MAPKAPK5: variants seen among roughly 807,000 people sequenced by gnomAD.
MAPKAPK5 encodes the protein MAP kinase-activated protein kinase 5.
In MAPKAPK5, 30 loss-of-function variants were observed where a neutral mutation model predicts 65.1. That is an observed-to-expected ratio of 0.46 (90% confidence interval 0.34 to 0.63). The LOEUF is 0.63. Among genes scored for constraint, MAPKAPK5 ranks in the 20% least tolerant of loss-of-function variants. The pLI, the probability that MAPKAPK5 is intolerant of heterozygous loss-of-function variation, is 0.01. For synonymous variants in MAPKAPK5, 179 were observed against 204.6 expected, an observed-to-expected ratio of 0.87 and a Z score of 1.07; for missense variants, 433 against 581.4, an observed-to-expected ratio of 0.74 and a Z score of 2.63.
intron 1 of MAPKAPK5, among the ~76,000 whole-genome samples, chr12:111,862,436 C>T (rs997474170): frequency 9.2e-5 from 14 of 152,160 alleles, no homozygotes; most frequent in Non-Finnish European, 1.5e-5. Context: ...TGCAGTGGCT[C>T]ATGCTTGTAA....
chr12:111,853,564 T>G (rs1350470086), intron 1 of MAPKAPK5, among the ~76,000 whole-genome samples: 1 of 152,128 alleles, frequency 6.6e-6, no homozygotes, highest in Non-Finnish European at 1.5e-5. Context: ...AGATGGAGTC[T>G]CTCTCTGTTG....
Position 111,899,866 on chromosome 12 carries a change from G to C in MAPKAPK5, c.*6805G>C, listed in dbSNP as rs78007238. 1 of 454,448 alleles carries C rather than the reference G, an allele frequency of 2.2e-6. No individual in the cohort carries two copies. Among genetic ancestry groups the C allele is most frequent in the African/African-American group, 2.0e-5 (1 of 50,042 alleles). The allele number at this position is 454,448 out of a possible 1,614,324, so 28.2% of individuals were successfully genotyped here. A position where few individuals can be genotyped will look rare whatever the true frequency, so the allele number is the denominator to read the frequency against. On this transcript the variant is annotated 3_prime_UTR_variant, in exon 14 of 14. Coordinates refer to ENST00000550735, the MANE Select transcript of MAPKAPK5 (RefSeq NM_003668.4). ...TGTTATACACCATGGCACATCAAGC[G>C]TGAGTCTCCTGTGGTGTCTACTAGC... is the stretch of plus-strand genomic sequence containing the variant.
chr12:111,872,639 T>C (rs2136117731), intron 7 of MAPKAPK5, among the ~76,000 whole-genome samples: 1 of 152,340 alleles, frequency 6.6e-6, no homozygotes, highest in South Asian at 2.1e-4. Flanking sequence ...CTCAGTGCTA[T>C]AATCAAGGTG....
In MAPKAPK5 at chr12:111,888,954, G is replaced by A. The variant is rs1418882786; in HGVS notation, c.1170G>A (p.Leu390=). The A allele has an allele frequency of 1.2e-6, 2 of 1,609,834 alleles. No individual in the cohort carries two copies. Among genetic ancestry groups the A allele is most frequent in the African/African-American group, 2.7e-5 (2 of 74,876 alleles). ...ENGAEDSNVA[L]EKLRDVIAQC... is the part of the protein sequence containing the mutation. ...GAGCCGAGGATTCCAATGTTGCCTTGGAAAAACTCCGAGATGTGATTGCTC... is the reference window on the plus strand; with the variant it reads ...GAGCCGAGGATTCCAATGTTGCCTTAGAAAAACTCCGAGATGTGATTGCTC... The change falls in exon 12 of 14, where the codon TTG becomes TTA. Residue 390 remains leucine, a synonymous_variant. Transcript: ENST00000550735.
Position 111,842,302 on chromosome 12 carries a change from TTCGCG to T in MAPKAPK5, c.-431_-427del. 1 of 151,560 alleles carries T rather than the reference TTCGCG, an allele frequency of 6.6e-6. No individual in the cohort carries two copies. Among genetic ancestry groups the T allele is most frequent in the South Asian group, 2.0e-4 (1 of 4,962 alleles). 9.4% of individuals were successfully genotyped at this position (151,560 alleles called of 1,614,324 possible). On this transcript the variant is annotated 5_prime_UTR_variant, in exon 1 of 14. The change creates a premature stop within an existing upstream ORF in the 5' untranslated region. Coordinates refer to ENST00000550735, the MANE Select transcript of MAPKAPK5 (RefSeq NM_003668.4). ...GCTCTGCTTCGGCTTCGGCTTCGGC[TTCGCG>T]GCGGTGCAGGCGGCGGAGGCGGAGG...
In MAPKAPK5 at chr12:111,897,160, A is replaced by G. The variant is rs754265470; in HGVS notation, c.*4099A>G. 1 of 152,010 alleles carries G rather than the reference A, an allele frequency of 6.6e-6. No individual in the cohort carries two copies. The highest frequency in any genetic ancestry group is 2.4e-5 in the African/African-American group (1 of 41,390). The allele number at this position is 152,010 out of a possible 1,614,324, so 9.4% of individuals were successfully genotyped here. A position where few individuals can be genotyped will look rare whatever the true frequency, so the allele number is the denominator to read the frequency against. On this transcript the variant is annotated 3_prime_UTR_variant, in exon 14 of 14. Transcript: ENST00000550735. Reference sequence around the variant, plus strand: ...AATAAAAAAGAGACGTGATCCTGCTATGTTGCCCAAGTTAGACTCAAGCTC... The same window carrying G: ...AATAAAAAAGAGACGTGATCCTGCTGTGTTGCCCAAGTTAGACTCAAGCTC...
rs1461639729 is a variant in MAPKAPK5 at position 111,883,898 on chromosome 12, T to C, written c.848+130T>C. The C allele has an allele frequency of 1.1e-6, 1 of 919,866 alleles. No individual in the cohort carries two copies. The highest frequency in any genetic ancestry group is 1.6e-6 in the Non-Finnish European group (1 of 624,510). The allele number at this position is 919,866 out of a possible 1,614,324, so 57.0% of individuals were successfully genotyped here. On this transcript the variant is annotated intron_variant, in intron 9 of 13. Transcript: ENST00000550735. This position sits in a 1 kb window ranked among gnomAD's most constrained non-coding sequence, Gnocchi z 4.8. ...TCCCCGTTTTAATATCACAGAAATC[T>C]CTCTGGAGCCTGAGGTGACTGTTCT...
intron 1 of MAPKAPK5, among the ~76,000 whole-genome samples, chr12:111,858,063 C>T (rs1392875126): frequency 6.6e-6 from 1 of 151,916 alleles, no homozygotes; most frequent in Admixed American, 6.6e-5. Flanking sequence ...CACCACTACA[C>T]CAGGCTAAAT....
intron 10 of MAPKAPK5, among the ~76,000 whole-genome samples, chr12:111,887,229 G>A (rs1461785502): frequency 6.6e-6 from 1 of 152,184 alleles, no homozygotes; most frequent in Non-Finnish European, 1.5e-5. Context: ...GAAGAAAAAG[G>A]AGAACTGGAA....
intron 10 of MAPKAPK5, 55 bp from the exon 11 acceptor site, chr12:111,888,433 C>T (rs998043619): frequency 1.6e-5 from 26 of 1,598,976 alleles, no homozygotes; most frequent in Non-Finnish European, 2.2e-5. Flanking sequence ...CTTAGACTGG[C>T]TTTTTAGGTG....
At chr12:111,874,536 A>G (rs1262952453) in intron 7 of MAPKAPK5, among the ~76,000 whole-genome samples, 3 of 148,562 alleles carry the variant, frequency 2.0e-5, no homozygotes, top group East Asian at 3.9e-4. Flanking sequence ...CAGTGGCGCA[A>G]TCTCAGCTCA....
At chr12:111,862,699 A>G (rs1253562424) in intron 1 of MAPKAPK5, among the ~76,000 whole-genome samples, 1 of 152,170 alleles carries the variant, frequency 6.6e-6, no homozygotes, top group Non-Finnish European at 1.5e-5. Flanking sequence ...CTCAAAAAAT[A>G]AAAAAATAAG....
chr12:111,845,364 C>T (rs367874343), intron 1 of MAPKAPK5, among the ~76,000 whole-genome samples: 15 of 152,034 alleles, frequency 9.9e-5, no homozygotes, highest in South Asian at 4.2e-4. Flanking sequence ...CCATGTTGGC[C>T]AGGCTGGTCT....
Position 111,866,158 on chromosome 12 carries a change from T to C in MAPKAPK5, c.113T>C (p.Val38Ala). 6.2e-7 allele frequency: 1 copy of C among 1,604,832 alleles called. No individual in the cohort carries two copies. Among genetic ancestry groups the C allele is most frequent in the Non-Finnish European group, 8.5e-7 (1 of 1,176,234 alleles). Reference sequence around the variant, plus strand: ...TGATTTTTTTTCTCCAAATCTAGAGTCTGTGTAAAGAAATCTACTCAAGAA... The same window carrying C: ...TGATTTTTTTTCTCCAAATCTAGAGCCTGTGTAAAGAAATCTACTCAAGAA... ...LGAGISGPVR[V>A]CVKKSTQERF... is the part of the protein sequence containing the mutation. The change falls in exon 3 of 14, where the codon GTC becomes GCC. Residue 38 changes from valine to alanine, a missense_variant and splice_region_variant. Transcript: ENST00000550735.
chr12:111,877,846 A>C (rs1043139693), intron 7 of MAPKAPK5, among the ~76,000 whole-genome samples: 3 of 151,822 alleles, frequency 2.0e-5, no homozygotes, highest in Non-Finnish European at 4.4e-5. Flanking sequence ...ACATCTGGCT[A>C]ATTAAGAAAT....
intron 1 of MAPKAPK5, among the ~76,000 whole-genome samples, chr12:111,856,736 C>T (rs1214505460): frequency 6.6e-6 from 1 of 151,864 alleles, no homozygotes; most frequent in Admixed American, 6.6e-5. Flanking sequence ...TTACTGTTGT[C>T]TATGTATTAT....
intron 1 of MAPKAPK5, among the ~76,000 whole-genome samples, chr12:111,856,662 C>T (rs779513660): frequency 2.6e-5 from 4 of 152,100 alleles, no homozygotes; most frequent in Non-Finnish European, 4.4e-5. Flanking sequence ...CTGCCTTGGC[C>T]TCCCAAAATG....
chr12:111,880,570 C>T (rs1395607285), intron 8 of MAPKAPK5, 43 bp downstream of exon 8: 2 of 1,571,160 alleles, frequency 1.3e-6, no homozygotes, highest in Non-Finnish European at 1.8e-6. Context: ...GATGCAGCCC[C>T]TCTCCTTTAG....
At chr12:111,844,024 G>C (rs1157169019) in intron 1 of MAPKAPK5, among the ~76,000 whole-genome samples, 3 of 151,932 alleles carry the variant, frequency 2.0e-5, no homozygotes, top group African/African-American at 7.3e-5. Context: ...GGGTTTCACC[G>C]TAATAGCCAG....
Sources: allele counts gnomAD v4.1 joint callset (sites outside exome capture counted in the v4.1 genomes callset), GRCh38; gene constraint gnomAD v4.1.1; non-coding constraint Gnocchi (gnomAD v3.1); transcripts MANE v1.5; gene names NCBI Gene and HGNC (gene_info 2026-07-23, HGNC 2026-07-21).